Variants in DOC2B observed in about 807,000 individuals in gnomAD.
The protein encoded by DOC2B is double C2-like domain-containing protein beta.
In DOC2B, 21 loss-of-function variants were observed where a neutral mutation model predicts 28.9. The ratio of observed to expected loss-of-function variants is 0.73; its 90% CI spans 0.52 to 1.05. DOC2B has a LOEUF of 1.05. Among genes scored for constraint, DOC2B ranks in the 50% least tolerant of loss-of-function variants. DOC2B has a pLI of 0.00. For missense variants in DOC2B, 384 were observed against 421.1 expected, an observed-to-expected ratio of 0.91 and a Z score of 0.77; for synonymous variants, 194 against 178.1, an observed-to-expected ratio of 1.09 and a Z score of -0.71.
rs1411198258 is a variant in DOC2B at position 146,464 on chromosome 17, A to T, written c.*977T>A. 6.6e-6 allele frequency: 1 copy of T among 152,076 alleles called. No homozygotes were observed. The highest frequency in any genetic ancestry group is 6.6e-5 in the Admixed American group (1 of 15,266). 9.4% of individuals were successfully genotyped at this position (152,076 alleles called of 1,614,324 possible). A position where few individuals can be genotyped will look rare whatever the true frequency, so the allele number is the denominator to read the frequency against. On this transcript the variant is annotated 3_prime_UTR_variant, in exon 9 of 9. Transcript: ENST00000613549. ...TGGGAGACTTGGGTCTGAGGTCTGAACTTGAGCCTACACCAGTTTCTCCAT... is the reference window on the plus strand; with the variant it reads ...TGGGAGACTTGGGTCTGAGGTCTGATCTTGAGCCTACACCAGTTTCTCCAT...
At chr17:149,072 G>A (rs1259260172) in intron 7 of DOC2B, 39 bp downstream of exon 7, 2 of 398,840 alleles carry the variant, frequency 5.0e-6, no homozygotes, top group African/African-American at 2.1e-5. Context: ...CTGTGGGGCA[G>A]AGGAATGGCC....
chr17:177,477 G>C (rs78261775), intron 1 of DOC2B, among the ~76,000 whole-genome samples: 34,565 of 152,034 alleles, frequency 0.23, 4,577 homozygotes, highest in African/African-American at 0.36. Flanking sequence ...GTCCCTCTGC[G>C]AAGAGCACCT....
chr17:181,378 G>A lies in DOC2B; in HGVS notation c.102C>T (p.Ser34=), dbSNP rs957217850. 8.7e-7 allele frequency: 1 copy of A among 1,147,628 alleles called. No homozygotes were observed. 71.1% of individuals were successfully genotyped at this position (1,147,628 alleles called of 1,614,324 possible). A position where few individuals can be genotyped will look rare whatever the true frequency, so the allele number is the denominator to read the frequency against. ...PGPIRPIKQI[S]DYFPRFPRGL... ...CCCGCGGGAAGCGGGGGAAGTAGTCGGAGATCTGCTTGATGGGACGGATGG... is the reference window on the plus strand; with the variant it reads ...CCCGCGGGAAGCGGGGGAAGTAGTCAGAGATCTGCTTGATGGGACGGATGG... The change falls in exon 1 of 9, where the codon TCC becomes TCT. Residue 34 remains serine (S), a synonymous_variant. Transcript: ENST00000613549. The surrounding 1 kb of genome is among the most constrained non-coding windows in gnomAD (Gnocchi z 7.0).
chr17:177,081 A>AAC (rs1338224575), intron 1 of DOC2B, among the ~76,000 whole-genome samples: 2 of 151,168 alleles, frequency 1.3e-5, no homozygotes, highest in Non-Finnish European at 2.9e-5. Context: ...ATACTTTAAA[A>AAC]AAAACAAAAC....
rs146840856 is a variant in DOC2B at position 177,167 on chromosome 17, C to T, written c.373+3940G>A. Among the ~76,000 whole-genome samples the T allele has an allele frequency of 1.8e-3, 275 of 152,076 alleles. 1 individual carries two copies. The highest frequency in any genetic ancestry group is 6.0e-3 in the African/African-American group (250 of 41,480). On this transcript the variant is annotated intron_variant, in intron 1 of 8. Coordinates refer to ENST00000613549, the MANE Select transcript of DOC2B (RefSeq NM_003585.5). Reference sequence around the variant, plus strand: ...TATAGTTGGGGAAACAGCCATTCAGCCAGGCCGGCACTGCAGGGGGGACAG... The same window carrying T: ...TATAGTTGGGGAAACAGCCATTCAGTCAGGCCGGCACTGCAGGGGGGACAG...
chr17:176,683 T>C (rs2040373979), intron 1 of DOC2B, among the ~76,000 whole-genome samples: 1 of 152,218 alleles, frequency 6.6e-6, no homozygotes, highest in Non-Finnish European at 1.5e-5. Flanking sequence ...CACCTTGGGC[T>C]TGTGCTGGGC....
chr17:161,308 C>A, intron 5 of DOC2B, 107 bp downstream of exon 5: 1 of 1,196,282 alleles, frequency 8.4e-7, no homozygotes, highest in Non-Finnish European at 1.2e-6. Context: ...GTCTCCCCTC[C>A]CCTCTCACTC....
chr17:181,071 G>T lies in DOC2B; in HGVS notation c.373+36C>A. ...CGTGGGGGGGCCGAGCCCGAGCCAG[G>T]GGAGGGGGCGCGAAGTCGGCGCGTG... On this transcript the variant is annotated intron_variant, in intron 1 of 8. Transcript: ENST00000613549. The surrounding 1 kb of genome is among the most constrained non-coding windows in gnomAD (Gnocchi z 7.0). 1 of 1,229,390 alleles carries T rather than the reference G, an allele frequency of 8.1e-7. No homozygotes were observed. Among genetic ancestry groups the T allele is most frequent in the East Asian group, 3.3e-5 (1 of 30,484 alleles). The allele number at this position is 1,229,390 out of a possible 1,614,324, so 76.2% of individuals were successfully genotyped here. A position where few individuals can be genotyped will look rare whatever the true frequency, so the allele number is the denominator to read the frequency against.
At chr17:164,236 G>A (rs1555523632) in intron 2 of DOC2B, 32 bp from the exon 3 acceptor site, 2 of 1,497,446 alleles carry the variant, frequency 1.3e-6, no homozygotes, top group South Asian at 2.4e-5. Context: ...GTGTGAACTG[G>A]AAATCGGGGA....
Position 174,412 on chromosome 17 carries a change from C to A in DOC2B, c.374-1796G>T, listed in dbSNP as rs140239298. Among the ~76,000 whole-genome samples the A allele has an allele frequency of 9.9e-3, 1,506 of 152,288 alleles. 15 individuals carry two copies. The highest frequency in any genetic ancestry group is 0.034 in the African/African-American group (1,431 of 41,548). ...GTAGATCATTATAGAAGGAGCAGATCCCTATGGTGGGTTTTCTAGCTAACA... is the reference window on the plus strand; with the variant it reads ...GTAGATCATTATAGAAGGAGCAGATACCTATGGTGGGTTTTCTAGCTAACA... On this transcript the variant is annotated intron_variant, in intron 1 of 8. Transcript: ENST00000613549.
At chr17:174,964 G>A (rs1016178127) in intron 1 of DOC2B, among the ~76,000 whole-genome samples, 2 of 152,196 alleles carry the variant, frequency 1.3e-5, no homozygotes, top group Admixed American at 1.3e-4. Context: ...AAATGGCCGG[G>A]TGTGGTGGCT....
chr17:159,004 A>G (rs892713025), intron 5 of DOC2B, among the ~76,000 whole-genome samples: 5 of 147,300 alleles, frequency 3.4e-5, no homozygotes, highest in African/African-American at 1.3e-4. Flanking sequence ...ACATTGCGCC[A>G]CTGCACTCCA....
At chr17:147,837 G>A (rs1490204370) in intron 8 of DOC2B, among the ~76,000 whole-genome samples, 1 of 152,256 alleles carries the variant, frequency 6.6e-6, no homozygotes, top group Non-Finnish European at 1.5e-5. Flanking sequence ...GGCCTGAAGA[G>A]GGGAGAAAGG....
rs1357375588 is a variant in DOC2B, at chr17:163,366, G to A, written c.528+764C>T. On this transcript the variant is annotated intron_variant, in intron 3 of 8. Transcript: ENST00000613549. Reference sequence around the variant, plus strand: ...ACAGTCCTGCCTTCCCTAGAGAAGGGGGAAGGGCCCCTTCTGGGGTGGTCC... The same window carrying A: ...ACAGTCCTGCCTTCCCTAGAGAAGGAGGAAGGGCCCCTTCTGGGGTGGTCC... Among the ~76,000 whole-genome samples, 3 of 152,176 alleles carry A rather than the reference G, an allele frequency of 2.0e-5. No homozygotes were observed. The South Asian group carries it at 6.2e-4, about 32-fold the overall frequency.
In DOC2B at chr17:144,702, G is replaced by C. The variant is rs1329301829; in HGVS notation, c.*2739C>G. 6.6e-6 allele frequency: 1 copy of C among 152,314 alleles called. No homozygotes were observed. The highest frequency in any genetic ancestry group is 1.5e-5 in the Non-Finnish European group (1 of 68,132). 9.4% of individuals were successfully genotyped at this position (152,314 alleles called of 1,614,324 possible). A position where few individuals can be genotyped will look rare whatever the true frequency, so the allele number is the denominator to read the frequency against. ...GGCTGGCCAGTAAGCCCGCCTCCCAGCCTGACTGTCCCCATCTTTCGGTCC... is the reference window on the plus strand; with the variant it reads ...GGCTGGCCAGTAAGCCCGCCTCCCACCCTGACTGTCCCCATCTTTCGGTCC... On this transcript the variant is annotated 3_prime_UTR_variant, in exon 9 of 9. Coordinates refer to ENST00000613549, the MANE Select transcript of DOC2B (RefSeq NM_003585.5).
chr17:169,397 T>C (rs555591158), intron 2 of DOC2B, among the ~76,000 whole-genome samples: 3 of 151,666 alleles, frequency 2.0e-5, no homozygotes, highest in African/African-American at 7.3e-5. Flanking sequence ...AGTTTAGTTT[T>C]GCAAGCTGAA....
At position 150,562 on chromosome 17, in the gene DOC2B, G is replaced by A. The variant is rs141990622; in HGVS notation, c.924-1370C>T. On this transcript the variant is annotated intron_variant, in intron 6 of 8. Transcript: ENST00000613549. ...TTAAAAACTCCTTGCTGGTTTGAGAGGCAGAAAATGATATCTCATAGTTGC... is the reference window on the plus strand; with the variant it reads ...TTAAAAACTCCTTGCTGGTTTGAGAAGCAGAAAATGATATCTCATAGTTGC... Among the ~76,000 whole-genome samples, 407 of 152,294 alleles carry A rather than the reference G, an allele frequency of 2.7e-3. 2 individuals carry two copies. Among genetic ancestry groups the A allele is most frequent in the African/African-American group, 9.2e-3 (384 of 41,546 alleles).
chr17:179,423 CTTGGCCA>C (rs992011166), intron 1 of DOC2B, among the ~76,000 whole-genome samples: 7 of 129,504 alleles, frequency 5.4e-5, no homozygotes, highest in African/African-American at 8.4e-5. Flanking sequence ...GAAAAAGCCT[CTTGGCCA>C]TTCGCCATGC....
rs970246067 is a variant in DOC2B, at chr17:162,232, A to T, written c.529-42T>A. 5 of 1,444,472 alleles carry T rather than the reference A, an allele frequency of 3.5e-6. No homozygotes were observed. The East Asian group carries it at 7.4e-5, about 21-fold the overall frequency. The allele number at this position is 1,444,472 out of a possible 1,614,324, so 89.5% of individuals were successfully genotyped here. ...TGATCTTATTAGCATCAAAGTGTGT[A>T]TCAAACAGAACAATGGCCCCCAGAG... On this transcript the variant is annotated intron_variant, in intron 3 of 8. Transcript: ENST00000613549.
Sources: allele counts gnomAD v4.1 joint callset (sites outside exome capture counted in the v4.1 genomes callset), GRCh38; gene constraint gnomAD v4.1.1; non-coding constraint Gnocchi (gnomAD v3.1); transcripts MANE v1.5; gene names NCBI Gene and HGNC (gene_info 2026-07-23, HGNC 2026-07-21).